The following EIF4E variants were observed in gnomAD, a reference collection of about 807,000 sequenced individuals.
EIF4E encodes the protein eukaryotic translation initiation factor 4E, also known as eIF-4F 25 kDa subunit.
For synonymous variants in EIF4E, 71 were observed against 88.5 expected (o/e 0.80, Z 1.11); for missense variants, 113 against 265.6 (o/e 0.43, Z 3.99).
intron 1 of EIF4E, among the ~76,000 whole-genome samples, chr4:98,905,863 C>A (rs1724850462): frequency 6.6e-6 from 1 of 152,158 alleles, no homozygotes; most frequent in South Asian, 2.1e-4. Context: ...TAGCTTTTTA[C>A]TACATTCTGC....
chr4:98,899,318 T>A (rs75449767), intron 2 of EIF4E, among the ~76,000 whole-genome samples: 4 of 152,104 alleles, frequency 2.6e-5, no homozygotes, highest in Admixed American at 1.3e-4. Context: ...ATCATCAATA[T>A]GAAAATATTT....
intron 1 of EIF4E, among the ~76,000 whole-genome samples, chr4:98,919,766 C>T (rs978202769): frequency 6.6e-6 from 1 of 151,904 alleles, no homozygotes; most frequent in Non-Finnish European, 1.5e-5. Flanking sequence ...ACCATGTTGG[C>T]CAGGCTGGTC....
chr4:98,912,566 C>G (rs1296318276), intron 1 of EIF4E, among the ~76,000 whole-genome samples: 4 of 151,162 alleles, frequency 2.6e-5, no homozygotes, highest in Non-Finnish European at 5.9e-5. Context: ...AAGCAAGACT[C>G]CATCTCAAAA....
chr4:98,899,389 G>A (rs76790530), intron 2 of EIF4E, among the ~76,000 whole-genome samples: 6,892 of 152,214 alleles, frequency 0.045, 499 homozygotes, highest in African/African-American at 0.16. Flanking sequence ...AAATCAGACT[G>A]GGACCAATCT....
chr4:98,920,271 C>T (rs1414342521), intron 1 of EIF4E, among the ~76,000 whole-genome samples: 1 of 151,920 alleles, frequency 6.6e-6, no homozygotes, highest in Non-Finnish European at 1.5e-5. Context: ...TAAACCTATG[C>T]ATTTTATGTA....
chr4:98,895,982 G>A (rs7671453), intron 2 of EIF4E, among the ~76,000 whole-genome samples: 19,651 of 126,394 alleles, frequency 0.16, 1,437 homozygotes, highest in African/African-American at 0.2. Flanking sequence ...TGGATCATGA[G>A]GTCAAGAGAT....
chr4:98,889,889 T>C (rs113485060), intron 3 of EIF4E, among the ~76,000 whole-genome samples: 2,648 of 152,202 alleles, frequency 0.017, 29 homozygotes, highest in South Asian at 0.034. Flanking sequence ...TAAACAAAAC[T>C]AGAGAAGAAA....
At chr4:98,912,515 G>A (rs1017830458) in intron 1 of EIF4E, among the ~76,000 whole-genome samples, 1 of 151,834 alleles carries the variant, frequency 6.6e-6, no homozygotes, top group Non-Finnish European at 1.5e-5. Flanking sequence ...ATCAGAGATT[G>A]CAGTGAGCTG....
At chr4:98,928,914 G>A in intron 1 of EIF4E, 181 bp downstream of exon 1, 2 of 1,565,872 alleles carry the variant, frequency 1.3e-6, no homozygotes, top group African/African-American at 1.4e-5. Flanking sequence ...TGCGCTACAC[G>A]CCGCCTCGGC....
chr4:98,921,028 C>G (rs139925711), intron 1 of EIF4E, among the ~76,000 whole-genome samples: 3,533 of 152,216 alleles, frequency 0.023, 121 homozygotes, highest in African/African-American at 0.081. Context: ...ATAAAAATAA[C>G]TTGCCTTGCT....
intron 3 of EIF4E, among the ~76,000 whole-genome samples, chr4:98,890,480 T>C (rs1010668311): frequency 1.3e-5 from 2 of 152,204 alleles, no homozygotes; most frequent in Non-Finnish European, 2.9e-5. Context: ...TCAAAACTTC[T>C]TGAAATAGAC....
chr4:98,898,070 C>T (rs1560641137), intron 2 of EIF4E, among the ~76,000 whole-genome samples: 1 of 152,014 alleles, frequency 6.6e-6, no homozygotes, highest in Non-Finnish European at 1.5e-5. Context: ...TTGCAACTAG[C>T]CTCTAAGAAA....
At chr4:98,917,420 G>A (rs1725435596) in intron 1 of EIF4E, among the ~76,000 whole-genome samples, 1 of 151,940 alleles carries the variant, frequency 6.6e-6, no homozygotes, top group African/African-American at 2.4e-5. Context: ...CCATGATCAT[G>A]CCCACTGGTT....
intron 1 of EIF4E, among the ~76,000 whole-genome samples, chr4:98,916,156 A>T (rs891478851): frequency 6.6e-6 from 1 of 151,910 alleles, no homozygotes; most frequent in African/African-American, 2.4e-5. Context: ...GTGCCACTGC[A>T]CTCCAGCCTG....
At position 98,879,449 on chromosome 4, in the gene EIF4E, A is replaced by T. The variant is rs1466726984; in HGVS notation, c.*1579T>A. The stretch of plus-strand genomic sequence containing the variant: ...GTCTGATAGCCATACTTCATCTCAC[A>T]GGACTATACAAGTATGTACTATGTA... On this transcript the variant is annotated 3_prime_UTR_variant, in exon 7 of 7. Transcript: ENST00000450253. 1 of 152,142 alleles carries T rather than the reference A, an allele frequency of 6.6e-6. No homozygotes were observed. The highest frequency in any genetic ancestry group is 1.5e-5 in the Non-Finnish European group (1 of 67,998). The allele number at this position is 152,142 out of a possible 1,614,324, so 9.4% of individuals were successfully genotyped here.
intron 5 of EIF4E, among the ~76,000 whole-genome samples, chr4:98,885,843 A>C (rs1328596041): frequency 6.6e-6 from 1 of 152,174 alleles, no homozygotes; most frequent in Non-Finnish European, 1.5e-5. Flanking sequence ...TACATTCAAC[A>C]TTGTTGTACA....
intron 1 of EIF4E, among the ~76,000 whole-genome samples, chr4:98,910,293 T>TAAAA (rs1410725612): frequency 6.6e-6 from 1 of 152,062 alleles, no homozygotes; most frequent in Non-Finnish European, 1.5e-5. Flanking sequence ...CTTTCAACAT[T>TAAAA]AAAACACTGC....
At position 98,887,750 on chromosome 4, in the gene EIF4E, T is replaced by G; in HGVS notation, c.285+139A>C. The G allele has an allele frequency of 1.4e-6, 1 of 732,812 alleles. No individual in the cohort carries two copies. Among genetic ancestry groups the G allele is most frequent in the Non-Finnish European group, 2.3e-6 (1 of 427,830 alleles). 45.4% of individuals were successfully genotyped at this position (732,812 alleles called of 1,614,324 possible). On this transcript the variant is annotated intron_variant, in intron 4 of 6. Transcript: ENST00000450253. This position sits in a 1 kb window ranked among gnomAD's most constrained non-coding sequence, Gnocchi z 4.0. ...CAAATAGAATAAGATATATTGATAC[T>G]AAAGCATACTACAGCCAATTAAATT...
At chr4:98,909,873 G>A in intron 1 of EIF4E, 3 of 630,242 alleles carry the variant, frequency 4.8e-6, no homozygotes, top group Non-Finnish European at 8.5e-6. Flanking sequence ...CATGAGAAGG[G>A]TGGGACAGAG....
Sources: allele counts gnomAD v4.1 joint callset (sites outside exome capture counted in the v4.1 genomes callset), GRCh38; gene constraint gnomAD v4.1.1; non-coding constraint Gnocchi (gnomAD v3.1); transcripts MANE v1.5; gene names NCBI Gene and HGNC (gene_info 2026-07-23, HGNC 2026-07-21).